The following RALGAPB variants were observed in gnomAD, a reference collection of about 807,000 sequenced individuals.
RALGAPB encodes the protein Ral GTPase activating protein non-catalytic subunit beta.
In RALGAPB, 25 loss-of-function variants were observed where a neutral mutation model predicts 161.1. The observed-to-expected ratio is 0.16, with a 90% confidence interval of 0.11 to 0.22. The LOEUF is 0.22. RALGAPB is among the 10% of genes least tolerant of loss of function. RALGAPB has a pLI of 1.00. For synonymous variants in RALGAPB, 629 were observed against 626.1 expected, an observed-to-expected ratio of 1.00 and a Z score of -0.07; for missense variants, 1,391 against 1,815.2, an observed-to-expected ratio of 0.77 and a Z score of 4.25.
chr20:38,562,074 C>T (rs904912546), intron 23 of RALGAPB, among the ~76,000 whole-genome samples: 2 of 152,138 alleles, frequency 1.3e-5, no homozygotes, highest in African/African-American at 4.8e-5. Flanking sequence ...TTAATTACAC[C>T]TAATGTTTAT....
chr20:38,541,109 G>A lies in RALGAPB; in HGVS notation c.2631G>A (p.Glu877=), dbSNP rs1381742337. The change falls in exon 18 of 30, where the codon GAG becomes GAA. Residue 877 remains glutamate, a synonymous_variant. Coordinates refer to ENST00000262879, the MANE Select transcript of RALGAPB (RefSeq NM_020336.4). ...CAGGAAGTAAGTCCAAGAACAATGA[G>A]CAAGAGGTCAAGTACAAAGGAGATA... ...GISGSKSKNN[E]QEVKYKGDKE... The A allele has an allele frequency of 8.1e-6, 13 of 1,614,042 alleles. No individual in the cohort carries two copies. In the East Asian group the frequency reaches 2.7e-4, roughly 33 times the overall value.
At chr20:38,480,536 G>A (rs1327648232) in intron 1 of RALGAPB, among the ~76,000 whole-genome samples, 3 of 151,188 alleles carry the variant, frequency 2.0e-5, no homozygotes, top group East Asian at 2.0e-4. Flanking sequence ...ACAGGCGCAC[G>A]CCACCATGCC....
In RALGAPB at chr20:38,524,813, A is replaced by G; in HGVS notation, c.1655A>G (p.Asn552Ser). The part of the protein sequence containing the change: ...YMLLIQGLQI[N>S]DYVCHPVLAS... ...CTTTTAATTCAAGGTTTGCAGATAA[A>G]TGATTATGTGTGCCATCCTGTCTTG... The change falls in exon 11 of 30, where the codon AAT becomes AGT. Residue 552 changes from asparagine (N) to serine (S), a missense_variant. Physicochemically the swap from Asn to Ser is conservative, Grantham distance 46. Coordinates refer to ENST00000262879, the MANE Select transcript of RALGAPB (RefSeq NM_020336.4). The G allele has an allele frequency of 1.2e-6, 2 of 1,610,440 alleles. No individual in the cohort carries two copies. Among genetic ancestry groups the G allele is most frequent in the Admixed American group, 1.7e-5 (1 of 59,998 alleles).
rs780467025 is a variant in RALGAPB at position 38,554,095 on chromosome 20, T to A, written c.3372+19T>A. On this transcript the variant is annotated intron_variant, in intron 22 of 29. Coordinates refer to ENST00000262879, the MANE Select transcript of RALGAPB (RefSeq NM_020336.4). ...ACTGAAGGTAATTTTCATGAACTTT[T>A]ATGAATAAATATATTCACAAGTTAA... The A allele has an allele frequency of 3.3e-6, 5 of 1,533,230 alleles. No individual in the cohort carries two copies. The Admixed American group carries it at 8.4e-5, about 26-fold the overall frequency. 95.0% of individuals were successfully genotyped at this position (1,533,230 alleles called of 1,614,324 possible).
At chr20:38,548,632 T>A (rs1214768430) in intron 19 of RALGAPB, 57 bp from the exon 20 acceptor site, 23 of 1,371,482 alleles carry the variant, frequency 1.7e-5, no homozygotes, top group Non-Finnish European at 2.1e-5. Context: ...GATAACAAGT[T>A]TATTTTAAAT....
intron 19 of RALGAPB, chr20:38,547,311 G>A (rs943865387): frequency 6.6e-6 from 1 of 152,176 alleles, no homozygotes; most frequent in Non-Finnish European, 1.5e-5. Context: ...TTGCTGGGAA[G>A]GGGAAGGAAA....
At chr20:38,514,830 T>C (rs989897766) in intron 6 of RALGAPB, among the ~76,000 whole-genome samples, 9 of 152,376 alleles carry the variant, frequency 5.9e-5, no homozygotes, top group African/African-American at 2.2e-4. Context: ...TCCCCAAATG[T>C]GTCAGGTACA....
chr20:38,508,582 C>G (rs1364473520), intron 5 of RALGAPB, among the ~76,000 whole-genome samples: 4 of 152,042 alleles, frequency 2.6e-5, no homozygotes, highest in African/African-American at 9.7e-5. Context: ...ATTTAAGTAT[C>G]TTAAATAATT....
chr20:38,508,087 A>T (rs998571078), intron 5 of RALGAPB, among the ~76,000 whole-genome samples: 1 of 151,372 alleles, frequency 6.6e-6, no homozygotes, highest in Admixed American at 6.6e-5. Flanking sequence ...TGAATCTTTT[A>T]AAAAATTTAC....
chr20:38,486,207 A>G (rs2085109930), intron 1 of RALGAPB, among the ~76,000 whole-genome samples: 1 of 152,116 alleles, frequency 6.6e-6, no homozygotes, highest in Non-Finnish European at 1.5e-5. Context: ...TCCTGACCTC[A>G]GGTGATCCAC....
intron 5 of RALGAPB, among the ~76,000 whole-genome samples, chr20:38,503,506 C>A (rs991448753): frequency 6.6e-6 from 1 of 152,074 alleles, no homozygotes; most frequent in Non-Finnish European, 1.5e-5. Context: ...AGAAGTATAG[C>A]CCAAAGAGAT....
chr20:38,515,916 A>G (rs569967490), intron 6 of RALGAPB, among the ~76,000 whole-genome samples: 2 of 152,248 alleles, frequency 1.3e-5, no homozygotes, highest in South Asian at 4.1e-4. Flanking sequence ...AATTCTTAAC[A>G]TATTAGAAAA....
chr20:38,535,306 C>G (rs557889280), intron 16 of RALGAPB, 99 bp downstream of exon 16: 1 of 1,341,738 alleles, frequency 7.5e-7, no homozygotes, highest in East Asian at 2.3e-5. Flanking sequence ...TAGTGTTGAT[C>G]ATGCTCAAAC....
At chr20:38,493,267 T>A in intron 3 of RALGAPB, 135 bp downstream of exon 3, 1 of 706,850 alleles carries the variant, frequency 1.4e-6, no homozygotes, top group Non-Finnish European at 2.3e-6. Flanking sequence ...AAGATTGTAT[T>A]AATGTGAATG....
intron 22 of RALGAPB, among the ~76,000 whole-genome samples, chr20:38,556,191 TA>T: frequency 6.6e-6 from 1 of 152,256 alleles, no homozygotes. Context: ...AAATCAGAGG[TA>T]AAAGTTATCT....
chr20:38,575,219 A>G lies in RALGAPB; in HGVS notation c.*252A>G. Reference sequence around the variant, plus strand: ...ACATTTTAGCCATAAACTTTCTTTTAAAAGTGACAATTTTAGTTAAACATA... The same window carrying G: ...ACATTTTAGCCATAAACTTTCTTTTGAAAGTGACAATTTTAGTTAAACATA... On this transcript the variant is annotated 3_prime_UTR_variant, in exon 30 of 30. Transcript: ENST00000262879. The G allele has an allele frequency of 2.6e-6, 1 of 390,742 alleles. No individual in the cohort carries two copies. Among genetic ancestry groups the G allele is most frequent in the East Asian group, 4.4e-5 (1 of 22,586 alleles). 24.2% of individuals were successfully genotyped at this position (390,742 alleles called of 1,614,324 possible). A position where few individuals can be genotyped will look rare whatever the true frequency, so the allele number is the denominator to read the frequency against.
intron 18 of RALGAPB, among the ~76,000 whole-genome samples, chr20:38,544,916 G>A (rs773099783): frequency 1.9e-4 from 29 of 151,812 alleles, no homozygotes; most frequent in Non-Finnish European, 4.0e-4. Context: ...TTTTTCACAC[G>A]TTTACCTTTC....
rs781673552 is a variant in RALGAPB at position 38,515,343 on chromosome 20, C to G, written c.873-849C>G. 1.1e-3 allele frequency among the ~76,000 whole-genome samples: 170 copies of G among 152,270 alleles called. 2 individuals are homozygous for G. Among genetic ancestry groups the G allele is most frequent in the Non-Finnish European group, 8.8e-5 (6 of 68,014 alleles). On this transcript the variant is annotated intron_variant, in intron 6 of 29. Coordinates refer to ENST00000262879, the MANE Select transcript of RALGAPB (RefSeq NM_020336.4). The stretch of plus-strand genomic sequence containing the variant: ...GCAGAGCATGTATAGATCACTGATT[C>G]CTATTTCTCAGCCTAGTTCTTTTGC...
chr20:38,536,263 G>A (rs542634934), intron 16 of RALGAPB, among the ~76,000 whole-genome samples: 2 of 152,238 alleles, frequency 1.3e-5, no homozygotes, highest in African/African-American at 4.8e-5. Context: ...TTCACTAAAT[G>A]TAATGTTTTT....
Sources: allele counts gnomAD v4.1 joint callset (sites outside exome capture counted in the v4.1 genomes callset), GRCh38; gene constraint gnomAD v4.1.1; transcripts MANE v1.5; gene names NCBI Gene and HGNC (gene_info 2026-07-23, HGNC 2026-07-21).